The following SGCZ variants were observed in gnomAD, a reference collection of about 807,000 sequenced individuals.
SGCZ encodes the protein zeta-sarcoglycan.
Under a neutral mutation model 41.3 loss-of-function variants are expected in SGCZ, and 40 were observed. The ratio of observed to expected loss-of-function variants is 0.97; its 90% CI spans 0.75 to 1.26. The LOEUF (loss-of-function observed/expected upper bound fraction) is 1.26, where lower values mean the gene tolerates loss of function less well. Among genes scored for constraint, SGCZ ranks in the 50% most tolerant of loss-of-function variants. The probability of loss-of-function intolerance (pLI) is 0.00; values close to 1 mark genes in which losing one functional copy is unlikely to be tolerated. For synonymous variants in SGCZ, 206 were observed against 137.5 expected (o/e 1.50, Z -3.49); for missense variants, 552 against 369.8 (o/e 1.49, Z -4.04).
At chr8:15,160,654 C>T (rs1799484825) in intron 1 of SGCZ, among the ~76,000 whole-genome samples, 1 of 152,154 alleles carries the variant, frequency 6.6e-6, no homozygotes, top group African/African-American at 2.4e-5. Flanking sequence ...TAAAACTATA[C>T]ATTAAAGCAG....
rs117662914 is a variant in SGCZ at position 14,470,714 on chromosome 8, G to T, written c.234+84018C>A. Among the ~76,000 whole-genome samples, 6 of 152,230 alleles carry T rather than the reference G, an allele frequency of 3.9e-5. No individual in the cohort carries two copies. In the East Asian group the frequency reaches 1.2e-3, roughly 29 times the overall value. On this transcript the variant is annotated intron_variant, in intron 2 of 7. Transcript: ENST00000382080. The stretch of plus-strand genomic sequence containing the variant: ...AACCTTTCTGATGCAGAACGGAGAT[G>T]AATACATAAAGGTATGTATAAAAAG...
chr8:14,209,237 C>T (rs187784553), intron 4 of SGCZ, among the ~76,000 whole-genome samples: 1 of 152,204 alleles, frequency 6.6e-6, no homozygotes, highest in African/African-American at 2.4e-5. Context: ...ATCAGACACA[C>T]AGCCTCTTCA....
At chr8:14,872,580 C>A (rs1428426794) in intron 1 of SGCZ, among the ~76,000 whole-genome samples, 1 of 151,950 alleles carries the variant, frequency 6.6e-6, no homozygotes, top group Non-Finnish European at 1.5e-5. Context: ...GAGCAGAATG[C>A]AATTTAAAAA....
Position 14,874,995 on chromosome 8 carries a change from C to G in SGCZ, c.40-320069G>C, listed in dbSNP as rs146485678. On this transcript the variant is annotated intron_variant, in intron 1 of 7. Coordinates refer to ENST00000382080, the MANE Select transcript of SGCZ (RefSeq NM_139167.4). ...ATCAGCTCTTAAAAAGGACTCAGAT[C>G]TTCCTGGAGAAATTTCAAGCATAAA... Among the ~76,000 whole-genome samples, 391 of 152,280 alleles carry G rather than the reference C, an allele frequency of 2.6e-3. 1 individual carries two copies. Among genetic ancestry groups the G allele is most frequent in the Non-Finnish European group, 4.2e-3 (283 of 68,018 alleles).
intron 4 of SGCZ, among the ~76,000 whole-genome samples, chr8:14,204,217 G>C (rs755597453): frequency 6.6e-6 from 1 of 151,716 alleles, no homozygotes; most frequent in African/African-American, 2.4e-5. Context: ...TAATTTGTTT[G>C]TGTCATATCT....
chr8:14,091,362 T>C (rs1801684908), intron 7 of SGCZ, among the ~76,000 whole-genome samples: 1 of 151,994 alleles, frequency 6.6e-6, no homozygotes, highest in Non-Finnish European at 1.5e-5. Context: ...ACAAATGGGA[T>C]TGCTGGGTCA....
At chr8:14,953,241 G>A (rs539064961) in intron 1 of SGCZ, among the ~76,000 whole-genome samples, 7 of 152,220 alleles carry the variant, frequency 4.6e-5, no homozygotes, top group African/African-American at 1.7e-4. Flanking sequence ...GGTGCAAGGC[G>A]AAGGGGAAGC....
intron 1 of SGCZ, among the ~76,000 whole-genome samples, chr8:14,753,865 C>A (rs1178308455): frequency 1.3e-5 from 2 of 152,162 alleles, no homozygotes; most frequent in Admixed American, 1.3e-4. Flanking sequence ...ATCACCTGCC[C>A]CAGTACTTGA....
chr8:14,704,610 C>T (rs1299504099), intron 1 of SGCZ, among the ~76,000 whole-genome samples: 1 of 151,934 alleles, frequency 6.6e-6, no homozygotes, highest in Non-Finnish European at 1.5e-5. Context: ...GGCAGTTAAT[C>T]TCTCAAAGGC....
At chr8:14,808,225 A>G (rs1801615077) in intron 1 of SGCZ, among the ~76,000 whole-genome samples, 1 of 152,230 alleles carries the variant, frequency 6.6e-6, no homozygotes, top group South Asian at 2.1e-4. Context: ...GACAAAATTG[A>G]CAAATGGGAT....
At chr8:14,784,480 A>C (rs962194813) in intron 1 of SGCZ, among the ~76,000 whole-genome samples, 1 of 152,138 alleles carries the variant, frequency 6.6e-6, no homozygotes, top group Non-Finnish European at 1.5e-5. Context: ...GGTAAAATAG[A>C]TCTGGATCAG....
chr8:14,988,810 T>C (rs967484013), intron 1 of SGCZ, among the ~76,000 whole-genome samples: 1 of 152,148 alleles, frequency 6.6e-6, no homozygotes, highest in Non-Finnish European at 1.5e-5. Context: ...AAAAATACCA[T>C]TGAAATACTA....
chr8:14,729,306 C>A (rs1199890103), intron 1 of SGCZ, among the ~76,000 whole-genome samples: 2 of 152,166 alleles, frequency 1.3e-5, no homozygotes, highest in East Asian at 1.9e-4. Context: ...CATGAATGAA[C>A]CTTTCAGTGT....
intron 4 of SGCZ, among the ~76,000 whole-genome samples, chr8:14,189,484 C>G (rs911913046): frequency 6.6e-6 from 1 of 152,168 alleles, no homozygotes; most frequent in Admixed American, 6.5e-5. Context: ...ATTTCTTAAA[C>G]ACAATGACTT....
At chr8:14,143,719 A>C (rs553472181) in intron 5 of SGCZ, among the ~76,000 whole-genome samples, 19 of 152,288 alleles carry the variant, frequency 1.2e-4, no homozygotes, top group African/African-American at 3.8e-4. Context: ...TGTATGGCTG[A>C]AAGAGGCATG....
chr8:14,441,006 A>G (rs1449292409), intron 2 of SGCZ, among the ~76,000 whole-genome samples: 4 of 152,038 alleles, frequency 2.6e-5, no homozygotes, highest in Non-Finnish European at 5.9e-5. Flanking sequence ...GATTGCGTTG[A>G]CTGAGATTGA....
intron 1 of SGCZ, among the ~76,000 whole-genome samples, chr8:15,093,122 T>TA (rs1020079348): frequency 1.1e-4 from 17 of 152,062 alleles, no homozygotes; most frequent in East Asian, 1.9e-4. Context: ...GCAGCCATAA[T>TA]AAAAAAAATC....
At chr8:14,758,788 C>T (rs1795245148) in intron 1 of SGCZ, among the ~76,000 whole-genome samples, 1 of 152,136 alleles carries the variant, frequency 6.6e-6, no homozygotes, top group African/African-American at 2.4e-5. Context: ...GCGGGTGGAT[C>T]ACCTGAGGTC....
chr8:15,217,113 A>G (rs1801428870), intron 1 of SGCZ, among the ~76,000 whole-genome samples: 1 of 152,090 alleles, frequency 6.6e-6, no homozygotes, highest in East Asian at 1.9e-4. Context: ...TTAACCCCAC[A>G]GAGTAGAGTT....
Sources: gnomAD v4.1 joint callset for allele counts (sites outside exome capture counted in the v4.1 genomes callset) on GRCh38, gnomAD v4.1.1 for gene constraint, MANE v1.5 for transcripts, NCBI Gene and HGNC (gene_info 2026-07-23, HGNC 2026-07-21) for gene names.